SUSD3: variants seen among roughly 807,000 people sequenced by gnomAD.
SUSD3 encodes sushi domain-containing protein 3.
SUSD3 carries 18 observed loss-of-function variants against 20.6 expected under a neutral mutation model. The observed-to-expected ratio is 0.87, with a 90% CI of 0.60 to 1.30. The LOEUF (loss-of-function observed/expected upper bound fraction) is 1.30. Ranked by LOEUF, SUSD3 falls within the 50% of genes most tolerant of loss-of-function variation. The pLI, the probability that SUSD3 is intolerant of heterozygous loss-of-function variation, is 0.00. For missense variants in SUSD3, 306 were observed against 346.9 expected (o/e 0.88, Z 0.94); for synonymous variants, 137 against 141.5 (o/e 0.97, Z 0.23).
intron 1 of SUSD3, among the ~76,000 whole-genome samples, chr9:93,067,251 G>T (rs57408424): frequency 0.095 from 14,519 of 152,228 alleles, 871 homozygotes; most frequent in South Asian, 0.16. Flanking sequence ...ACATGGATCA[G>T]CACTTCATGC....
chr9:93,067,298 A>G (rs1825753156), intron 1 of SUSD3, among the ~76,000 whole-genome samples: 1 of 152,200 alleles, frequency 6.6e-6, no homozygotes, highest in Non-Finnish European at 1.5e-5. Flanking sequence ...GGTGTGGATA[A>G]ACCACATTTT....
At chr9:93,067,214 G>A (rs1435174196) in intron 1 of SUSD3, among the ~76,000 whole-genome samples, 1 of 152,188 alleles carries the variant, frequency 6.6e-6, no homozygotes, top group African/African-American at 2.4e-5. Flanking sequence ...ACTTAACACA[G>A]TGTTTTCAAG....
chr9:93,070,806 G>A (rs1825881606), intron 1 of SUSD3, among the ~76,000 whole-genome samples: 1 of 152,240 alleles, frequency 6.6e-6, no homozygotes, highest in South Asian at 2.1e-4. Flanking sequence ...GAACCCGTGT[G>A]TTCGTTTCTG....
chr9:93,082,324 T>C (rs2119010832), intron 4 of SUSD3, among the ~76,000 whole-genome samples: 1 of 141,690 alleles, frequency 7.1e-6, no homozygotes, highest in African/African-American at 2.7e-5. Context: ...TTTTTTTTTT[T>C]TTTTTTTTTT....
intron 1 of SUSD3, among the ~76,000 whole-genome samples, chr9:93,067,850 G>A (rs1191091925): frequency 2.0e-5 from 3 of 152,108 alleles, no homozygotes; most frequent in South Asian, 2.1e-4. Context: ...CAGCCACCTC[G>A]GCCTCCCAAA....
chr9:93,062,986 G>T (rs527818265), intron 1 of SUSD3, among the ~76,000 whole-genome samples: 17 of 152,332 alleles, frequency 1.1e-4, no homozygotes, highest in Middle Eastern at 6.8e-3. Flanking sequence ...ACCCCAAGGG[G>T]ACAGGAGTCC....
rs1826315642 is a variant in SUSD3 at position 93,079,508 on chromosome 9, TTGGAGACGG to T, written c.466_474del (p.Glu156_Val158del). On this transcript the variant is annotated inframe_deletion, in exon 4 of 5. Coordinates refer to ENST00000375472, the MANE Select transcript of SUSD3 (RefSeq NM_145006.4). ...GTGGTCCCAGCTGAAAGATGAGGAC[TTGGAGACGG>T]TGCAGGCCGCATACCTTGGCCTCAA... 2.5e-6 allele frequency: 4 copies of T among 1,614,146 alleles called. No individual in the cohort carries two copies. Among genetic ancestry groups the T allele is most frequent in the Non-Finnish European group, 3.4e-6 (4 of 1,179,996 alleles).
chr9:93,080,531 C>G (rs1826372190), intron 4 of SUSD3, among the ~76,000 whole-genome samples: 1 of 152,158 alleles, frequency 6.6e-6, no homozygotes, highest in Non-Finnish European at 1.5e-5. Context: ...CTGCGTCTGT[C>G]TGGTGTTTCT....
intron 1 of SUSD3, among the ~76,000 whole-genome samples, chr9:93,065,606 T>G (rs920694993): frequency 6.6e-6 from 1 of 152,226 alleles, no homozygotes; most frequent in Non-Finnish European, 1.5e-5. Flanking sequence ...GGGGGCCACG[T>G]GGCCAGCCCG....
chr9:93,078,062 A>G (rs4077811), intron 3 of SUSD3, 69 bp downstream of exon 3: 268,100 of 1,604,216 alleles, frequency 0.17, 27,163 homozygotes, highest in African/African-American at 0.44. Flanking sequence ...GGAGGAAAGG[A>G]CAGAGTGTTT....
Position 93,058,717 on chromosome 9 carries a change from C to G in SUSD3, c.-26C>G. On this transcript the variant is annotated 5_prime_UTR_variant, in exon 1 of 5. Transcript: ENST00000375472. ...GCCGGGCTCACTCCCCTGGCAGACC[C>G]CGCCAAGCGCCTCGGAGCGCGCAGG... 8.2e-7 allele frequency: 1 copy of G among 1,225,930 alleles called. No individual in the cohort carries two copies. The highest frequency in any genetic ancestry group is 1.0e-6 in the Non-Finnish European group (1 of 982,092). The allele number at this position is 1,225,930 out of a possible 1,614,324, so 75.9% of individuals were successfully genotyped here.
In SUSD3 at chr9:93,079,459, A is replaced by T. The variant is rs76292544; in HGVS notation, c.426-12A>T. On this transcript the variant is annotated splice_polypyrimidine_tract_variant and intron_variant, in intron 3 of 4. Transcript: ENST00000375472. ...GCATGCTCAGAGTCCTTCCTCCCAA[A>T]CTCTCCTCCAGGTCAGCCCAGCTGT... 0.056 allele frequency: 90,002 copies of T among 1,612,344 alleles called. 3,337 individuals carry two copies. The highest frequency in any genetic ancestry group is 0.14 in the South Asian group (12,559 of 90,964).
In SUSD3 at chr9:93,061,737, C is replaced by T. The variant is rs534889260; in HGVS notation, c.88+2907C>T. Among the ~76,000 whole-genome samples, 4 of 152,318 alleles carry T rather than the reference C, an allele frequency of 2.6e-5. No individual in the cohort carries two copies. The East Asian group carries it at 7.7e-4, about 29-fold the overall frequency. ...CCTGTTCTCAAAGCACCTCTGTGTG[C>T]AAAAGTCACCCCCTTTAAACTCTGA... is the stretch of plus-strand genomic sequence containing the variant. On this transcript the variant is annotated intron_variant, in intron 1 of 4. Transcript: ENST00000375472.
chr9:93,062,381 T>G (rs1006151679), intron 1 of SUSD3, among the ~76,000 whole-genome samples: 1 of 152,202 alleles, frequency 6.6e-6, no homozygotes, highest in African/African-American at 2.4e-5. Flanking sequence ...CAAAGGGATC[T>G]AAAGGGTGCC....
At chr9:93,064,059 T>C (rs1302609387) in intron 1 of SUSD3, among the ~76,000 whole-genome samples, 2 of 151,986 alleles carry the variant, frequency 1.3e-5, no homozygotes, top group Non-Finnish European at 2.9e-5. Flanking sequence ...GACTTCACCT[T>C]TTTTTTTGAG....
intron 1 of SUSD3, among the ~76,000 whole-genome samples, chr9:93,072,362 A>C (rs1191054182): frequency 6.6e-6 from 1 of 152,112 alleles, no homozygotes; most frequent in Non-Finnish European, 1.5e-5. Flanking sequence ...GGGCAGGGGG[A>C]CCACTGGGTG....
chr9:93,059,734 G>A (rs1400865922), intron 1 of SUSD3, among the ~76,000 whole-genome samples: 1 of 152,208 alleles, frequency 6.6e-6, no homozygotes, highest in Non-Finnish European at 1.5e-5. Context: ...CTGTCAGCCT[G>A]CAGCCCCAGG....
Position 93,075,831 on chromosome 9 carries a change from C to G in SUSD3, c.136C>G (p.Leu46Val). The G allele has an allele frequency of 1.2e-6, 2 of 1,609,258 alleles. No homozygotes were observed. The highest frequency in any genetic ancestry group is 1.7e-6 in the Non-Finnish European group (2 of 1,177,626). The change falls in exon 2 of 5, where the codon CTT (leucine) becomes GTT (valine). Residue 46 changes from leucine to valine, a missense_variant. Coordinates refer to ENST00000375472, the MANE Select transcript of SUSD3 (RefSeq NM_145006.4). Reference sequence around the variant, plus strand: ...ACCCCCGCAAGCAACCTTCCAAGTCCTTCGTGGCAATGGTGCTTCCGTGGG... The same window carrying G: ...ACCCCCGCAAGCAACCTTCCAAGTCGTTCGTGGCAATGGTGCTTCCGTGGG... The part of the protein sequence containing the change: ...RLPPQATFQV[L>V]RGNGASVGTV...
intron 1 of SUSD3, among the ~76,000 whole-genome samples, chr9:93,064,335 C>T (rs10821063): frequency 0.38 from 57,597 of 152,140 alleles, 16,675 homozygotes; most frequent in African/African-American, 0.82. Flanking sequence ...CGTGAGCCAC[C>T]GCACCCAGCC....
Sources: allele counts gnomAD v4.1 joint callset (sites outside exome capture counted in the v4.1 genomes callset), GRCh38; gene constraint gnomAD v4.1.1; transcripts MANE v1.5; gene names NCBI Gene and HGNC (gene_info 2026-07-23, HGNC 2026-07-21).